The following OTOG variants were observed in gnomAD, a reference collection of about 807,000 sequenced individuals.
OTOG encodes otogelin.
Under a neutral mutation model 313.8 loss-of-function variants are expected in OTOG, and 296 were observed. The ratio of observed to expected loss-of-function variants is 0.94; its 90% CI spans 0.86 to 1.04. The LOEUF is 1.04. Among genes scored for constraint, OTOG ranks in the 50% least tolerant of loss-of-function variants. The pLI is 0.00. For synonymous variants in OTOG, 1,533 were observed against 1,554.9 expected (o/e 0.99, Z 0.33); for missense variants, 3,948 against 3,840.1 (o/e 1.03, Z -0.74).
Position 17,629,171 on chromosome 11 carries a change from C to A in OTOG, c.6567C>A (p.Ser2189Arg). ...VDLQPVWPPV[S>R]RYGFRIEDTG... ...TGCAGCCTGTGTGGCCACCGGTGAG[C>A]AGGTATGGATTCAGAATTGAGGACA... The change falls in exon 40 of 56, where the codon AGC (serine) becomes AGA (arginine). Residue 2189 changes from serine (S) to arginine (R), a missense_variant. Ser to Arg is a moderately radical substitution (Grantham distance 110). Coordinates refer to ENST00000399397, the MANE Select transcript of OTOG (RefSeq NM_001292063.2). 1 of 1,550,470 alleles carries A rather than the reference C, an allele frequency of 6.4e-7. No homozygotes were observed. The highest frequency in any genetic ancestry group is 1.2e-5 in the South Asian group (1 of 84,052).
intron 15 of OTOG, among the ~76,000 whole-genome samples, chr11:17,566,219 C>T (rs981250099): frequency 2.1e-4 from 32 of 152,128 alleles, no homozygotes; most frequent in Non-Finnish European, 7.4e-5. Flanking sequence ...AACCTATGCT[C>T]ATCCTCCTGT....
chr11:17,564,575 G>A (rs997375091), intron 15 of OTOG, among the ~76,000 whole-genome samples: 2 of 152,164 alleles, frequency 1.3e-5, no homozygotes, highest in Non-Finnish European at 2.9e-5. Context: ...CTGGTGAAGC[G>A]GGGAGTGTGT....
chr11:17,571,345 C>T (rs958147718), intron 17 of OTOG, among the ~76,000 whole-genome samples: 1 of 152,196 alleles, frequency 6.6e-6, no homozygotes, highest in African/African-American at 2.4e-5. Context: ...TGAGTGTACT[C>T]ATTGCCCCAG....
chr11:17,570,228 G>T lies in OTOG; in HGVS notation c.1793G>T (p.Arg598Leu). 2 of 1,550,722 alleles carry T rather than the reference G, an allele frequency of 1.3e-6. No homozygotes were observed. Among genetic ancestry groups the T allele is most frequent in the Non-Finnish European group, 8.7e-7 (1 of 1,146,952 alleles). ...CTGTGCCCAGATGCCTTTGAGATCC[G>T]TAGGCTGTCCTCCGTGTTCCTGCGG... is the stretch of plus-strand genomic sequence containing the variant. ...PPYTDDAFEI[R>L]RLSSVFLRVR... Residue 598 changes from arginine to leucine, a missense_variant, in exon 17 of 56, where the codon CGT becomes CTT. Physicochemically the swap from Arg to Leu is moderately radical, Grantham distance 102. Transcript: ENST00000399397.
At position 17,558,199 on chromosome 11, in the gene OTOG, G is replaced by A. The variant is rs919867507; in HGVS notation, c.880G>A (p.Asp294Asn). 25 of 1,550,374 alleles carry A rather than the reference G, an allele frequency of 1.6e-5. No homozygotes were observed. The highest frequency in any genetic ancestry group is 4.1e-5 in the African/African-American group (3 of 73,018). ...LVTSSGKLTD[D>N]VVEFVHSWQE... is the part of the protein sequence containing the mutation. ...CCCTCCTCCAGGGAAGCTGACTGAC[G>A]ACGTGGTTGAGTTTGTGCACAGCTG... The change falls in exon 9 of 56, where the codon GAC (aspartate) becomes AAC (asparagine). Residue 294 changes from aspartate to asparagine, a missense_variant. Transcript: ENST00000399397.
chr11:17,573,647 C>T (rs77827252), intron 19 of OTOG, among the ~76,000 whole-genome samples: 4,482 of 152,292 alleles, frequency 0.029, 223 homozygotes, highest in African/African-American at 0.1. Context: ...GGCTGTTGCC[C>T]TGGGGTTTGA....
chr11:17,601,267 A>G (rs1853242102), intron 31 of OTOG, among the ~76,000 whole-genome samples: 1 of 152,046 alleles, frequency 6.6e-6, no homozygotes, highest in Non-Finnish European at 1.5e-5. Context: ...GAGGGACAAC[A>G]TTTGCATGTG....
At chr11:17,575,483 G>A (rs1852503210) in intron 20 of OTOG, among the ~76,000 whole-genome samples, 1 of 152,168 alleles carries the variant, frequency 6.6e-6, no homozygotes, top group South Asian at 2.1e-4. Context: ...AGTGAGGAAG[G>A]GGGCTCCAGG....
At chr11:17,575,007 T>G (rs1475301417) in intron 20 of OTOG, 95 bp downstream of exon 20, 2 of 1,239,530 alleles carry the variant, frequency 1.6e-6, no homozygotes, top group East Asian at 5.4e-5. Context: ...GGGCCTCTTG[T>G]GTCCCTCCTT....
Position 17,634,136 on chromosome 11 carries a change from C to T in OTOG, c.7335C>T (p.Cys2445=). Residue 2445 remains cysteine, a synonymous_variant, in exon 44 of 56, where the codon TGC becomes TGT. Transcript: ENST00000399397. ...CCTGGAACAGCTCCCTCAGCGGCTGCTGCCAGCACCAGTGCCAAGCCCCAG... is the reference window on the plus strand; with the variant it reads ...CCTGGAACAGCTCCCTCAGCGGCTGTTGCCAGCACCAGTGCCAAGCCCCAG... The part of the protein sequence containing the change: ...GETWNSSLSG[C]CQHQCQAPDT... 1 of 1,549,586 alleles carries T rather than the reference C, an allele frequency of 6.5e-7. No individual in the cohort carries two copies.
intron 28 of OTOG, 60 bp from the exon 29 acceptor site, chr11:17,595,978 A>T: frequency 1.7e-6 from 2 of 1,186,470 alleles, no homozygotes; most frequent in Middle Eastern, 3.8e-4. Context: ...TCTGTCTGTC[A>T]TGTCAGGCAA....
At chr11:17,561,573 G>T (rs1852183918) in intron 14 of OTOG, 89 bp from the exon 15 acceptor site, 2 of 1,358,002 alleles carry the variant, frequency 1.5e-6, no homozygotes, top group East Asian at 2.5e-5. Context: ...GGAGGGCAGG[G>T]TGCTGTGTCC....
At chr11:17,564,183 G>A (rs912912942) in intron 15 of OTOG, among the ~76,000 whole-genome samples, 1 of 152,194 alleles carries the variant, frequency 6.6e-6, no homozygotes, top group Non-Finnish European at 1.5e-5. Context: ...TCTGTGCTGG[G>A]CATGGTGAGG....
intron 41 of OTOG, 44 bp downstream of exon 41, chr11:17,631,966 G>C: frequency 6.5e-7 from 1 of 1,544,440 alleles, no homozygotes; most frequent in Non-Finnish European, 8.7e-7. Flanking sequence ...CTCCTGGGCT[G>C]GCTGGGGATG....
chr11:17,593,163 T>C, intron 25 of OTOG, 30 bp from the exon 26 acceptor site: 1 of 1,539,348 alleles, frequency 6.5e-7, no homozygotes, highest in Non-Finnish European at 8.8e-7. Flanking sequence ...TTCTCCCTTG[T>C]TTTATTGGAC....
At chr11:17,590,202 C>T (rs1041948207) in intron 24 of OTOG, among the ~76,000 whole-genome samples, 4 of 152,182 alleles carry the variant, frequency 2.6e-5, no homozygotes, top group Admixed American at 6.5e-5. Context: ...GCCTACTTGA[C>T]ATCACCATAC....
chr11:17,609,931 G>A lies in OTOG; in HGVS notation c.4631G>A (p.Gly1544Asp), dbSNP rs1014717669. ...CTCACTGCATCTCAACTCCCCGCCGGCCCCACGGAGTCCCCAGCCAGCAAG... is the reference window on the plus strand; with the variant it reads ...CTCACTGCATCTCAACTCCCCGCCGACCCCACGGAGTCCCCAGCCAGCAAG... ...LELTASQLPA[G>D]PTESPASKGV... is the part of the protein sequence containing the mutation. Residue 1544 changes from glycine (G) to aspartate (D), a missense_variant, in exon 36 of 56, where the codon GGC becomes GAC. Gly to Asp is a moderately conservative substitution (Grantham distance 94). Coordinates refer to ENST00000399397, the MANE Select transcript of OTOG (RefSeq NM_001292063.2). 1.3e-6 allele frequency: 2 copies of A among 1,531,514 alleles called. No homozygotes were observed. Among genetic ancestry groups the A allele is most frequent in the Non-Finnish European group, 1.8e-6 (2 of 1,136,148 alleles). 94.9% of individuals were successfully genotyped at this position (1,531,514 alleles called of 1,614,324 possible). A position where few individuals can be genotyped will look rare whatever the true frequency, so the allele number is the denominator to read the frequency against.
In OTOG at chr11:17,578,452, G is replaced by A. The variant is rs754963879; in HGVS notation, c.2685G>A (p.Thr895=). 58 of 1,541,532 alleles carry A rather than the reference G, an allele frequency of 3.8e-5. No homozygotes were observed. Among genetic ancestry groups the A allele is most frequent in the Non-Finnish European group, 3.9e-5 (45 of 1,146,912 alleles). ...ACCTGGAGCTGAGCAGGGAGAGGAC[G>A]TGTGAGCAGCAACTGCTGAACCTGA... is the stretch of plus-strand genomic sequence containing the variant. ...HTDLELSRER[T]CEQQLLNLSV... is the part of the protein sequence containing the mutation. The change falls in exon 23 of 56, where the codon ACG becomes ACA. Residue 895 remains threonine (T), a synonymous_variant. Coordinates refer to ENST00000399397, the MANE Select transcript of OTOG (RefSeq NM_001292063.2).
intron 15 of OTOG, 122 bp from the exon 16 acceptor site, chr11:17,569,034 G>A: frequency 8.4e-7 from 1 of 1,190,632 alleles, no homozygotes; most frequent in Non-Finnish European, 1.2e-6. Context: ...TTGGGGCTCT[G>A]TCTGTCATTC....
Sources: gnomAD v4.1 joint callset for allele counts (sites outside exome capture counted in the v4.1 genomes callset) on GRCh38, gnomAD v4.1.1 for gene constraint, MANE v1.5 for transcripts, NCBI Gene and HGNC (gene_info 2026-07-23, HGNC 2026-07-21) for gene names.